The following SLC8A2 variants were observed in gnomAD, a reference collection of about 807,000 sequenced individuals.
SLC8A2 encodes solute carrier family 8 member A2, also known as sodium/calcium exchanger 2.
Under a neutral mutation model 70.2 loss-of-function variants are expected in SLC8A2, and 14 were observed. That is an observed-to-expected ratio of 0.20 (90% CI 0.13 to 0.31). SLC8A2 has a LOEUF of 0.31. SLC8A2 is among the 10% of genes least tolerant of loss of function. The probability of loss-of-function intolerance (pLI) is 1.00; values close to 1 mark genes in which losing one functional copy is unlikely to be tolerated. For synonymous variants in SLC8A2, 575 were observed against 594.3 expected, an observed-to-expected ratio of 0.97 and a Z score of 0.47; for missense variants, 779 against 1,320.1, an observed-to-expected ratio of 0.59 and a Z score of 6.35.
chr19:47,429,538 CACCCACCCGCTCCTCCCCG>C lies in SLC8A2; in HGVS notation c.*532_*550del, dbSNP rs1966921672. On this transcript the variant is annotated 3_prime_UTR_variant, in exon 10 of 10. Transcript: ENST00000236877. ...ACGGTGTGCGGCCTCCTTGCGCGCA[CACCCACCCGCTCCTCCCCG>C]CCGGGGCTGAGCGGAGCTCCCTGAG... The C allele has an allele frequency of 6.5e-6, 1 of 154,712 alleles. No homozygotes were observed. Among genetic ancestry groups the C allele is most frequent in the African/African-American group, 2.4e-5 (1 of 41,460 alleles). 9.6% of individuals were successfully genotyped at this position (154,712 alleles called of 1,614,324 possible).
chr19:47,465,686 A>G lies in SLC8A2; in HGVS notation c.675+43T>C. 2 of 1,501,762 alleles carry G rather than the reference A, an allele frequency of 1.3e-6. No individual in the cohort carries two copies. The highest frequency in any genetic ancestry group is 1.8e-6 in the Non-Finnish European group (2 of 1,107,132). 93.0% of individuals were successfully genotyped at this position (1,501,762 alleles called of 1,614,324 possible). A position where few individuals can be genotyped will look rare whatever the true frequency, so the allele number is the denominator to read the frequency against. On this transcript the variant is annotated intron_variant, in intron 2 of 9. Transcript: ENST00000236877. The surrounding 1 kb of genome is among the most constrained non-coding windows in gnomAD (Gnocchi z 5.5). The stretch of plus-strand genomic sequence containing the variant: ...CCAAGAGCACCTCTCTGGATTTTGC[A>G]GACACACATGCACCAAGAAAGCATC...
In SLC8A2 at chr19:47,432,264, G is replaced by A. The variant is rs367751012; in HGVS notation, c.2292C>T (p.Ala764=). The change falls in exon 9 of 10, where the codon GCC becomes GCT. Residue 764 remains alanine, a synonymous_variant. Transcript: ENST00000236877. This position sits in a 1 kb window ranked among gnomAD's most constrained non-coding sequence, Gnocchi z 6.2. ...VSILVIGLLT[A]LIGDLASHFG... ...AGTGGGAGGCGAGGTCCCCAATGAG[G>A]GCGGTGAGCAGGCCGATGACCAGGA... is the stretch of plus-strand genomic sequence containing the variant. 1.5e-5 allele frequency: 24 copies of A among 1,614,038 alleles called. No individual in the cohort carries two copies. In the East Asian group the frequency reaches 5.3e-4, roughly 36 times the overall value.
chr19:47,451,558 C>G (rs1156968037), intron 3 of SLC8A2, among the ~76,000 whole-genome samples: 1 of 152,220 alleles, frequency 6.6e-6, no homozygotes, highest in Non-Finnish European at 1.5e-5. Flanking sequence ...ATCCGCTGGC[C>G]TTGGGCTCCC....
At position 47,441,352 on chromosome 19, in the gene SLC8A2, T is replaced by G; in HGVS notation, c.1852A>C (p.Lys618Gln). 1 of 1,612,892 alleles carries G rather than the reference T, an allele frequency of 6.2e-7. No homozygotes were observed. The highest frequency in any genetic ancestry group is 8.5e-7 in the Non-Finnish European group (1 of 1,178,832). Residue 618 changes from lysine to glutamine, a missense_variant, in exon 5 of 10, where the codon AAG (lysine) becomes CAG (glutamine). Transcript: ENST00000236877. ...FIELGQPQWL[K>Q]RGISALLLNQ... ...CACCCCTCACCTGAAATCCCTCGCT[T>G]AAGCCACTGGGGCTGGCCCAGCTCA...
intron 4 of SLC8A2, among the ~76,000 whole-genome samples, chr19:47,442,124 T>C (rs1967106884): frequency 6.6e-6 from 1 of 151,924 alleles, no homozygotes; most frequent in Non-Finnish European, 1.5e-5. Context: ...AATAAAAAAA[T>C]AAAGCAAAGC....
chr19:47,454,344 G>A (rs983442945), intron 3 of SLC8A2, among the ~76,000 whole-genome samples: 1 of 152,212 alleles, frequency 6.6e-6, no homozygotes, highest in Non-Finnish European at 1.5e-5. Flanking sequence ...GGTGAATGCA[G>A]TTCCCTCAAC....
chr19:47,458,160 C>A (rs1321642002), intron 2 of SLC8A2, among the ~76,000 whole-genome samples: 3 of 151,876 alleles, frequency 2.0e-5, no homozygotes, highest in African/African-American at 7.3e-5. Flanking sequence ...TTCATCTCTG[C>A]CTCTCCCCAT....
At position 47,465,718 on chromosome 19, in the gene SLC8A2, T is replaced by A. The variant is rs1025558604; in HGVS notation, c.675+11A>T. On this transcript the variant is annotated intron_variant, in intron 2 of 9. Transcript: ENST00000236877. This position sits in a 1 kb window ranked among gnomAD's most constrained non-coding sequence, Gnocchi z 5.5. ...CATGCACCAAGAAAGCATCTATGCG[T>A]CTTTGCTCACCTGGACCACACCGGG... The A allele has an allele frequency of 1.9e-6, 3 of 1,599,556 alleles. No homozygotes were observed. The African/African-American group carries it at 4.0e-5, about 21-fold the overall frequency.
chr19:47,453,098 C>T (rs1385919218), intron 3 of SLC8A2, among the ~76,000 whole-genome samples: 1 of 152,184 alleles, frequency 6.6e-6, no homozygotes, highest in African/African-American at 2.4e-5. Flanking sequence ...CTTAGTGTGT[C>T]AACATCATAG....
chr19:47,430,320 G>A lies in SLC8A2; in HGVS notation c.2535C>T (p.Gly845=), dbSNP rs1283061535. ...SVAAVYWAVQ[G]RPFEVRTGTL... ...TGCCAGTGCGCACCTCGAAGGGGCG[G>A]CCCTGCACCGCCCAGTACACGGCGG... Residue 845 remains glycine (G), a synonymous_variant, in exon 10 of 10, where the codon GGC becomes GGT. Coordinates refer to ENST00000236877, the MANE Select transcript of SLC8A2 (RefSeq NM_015063.3). This position sits in a 1 kb window ranked among gnomAD's most constrained non-coding sequence, Gnocchi z 5.9. 8.1e-6 allele frequency: 13 copies of A among 1,612,044 alleles called. No individual in the cohort carries two copies. The highest frequency in any genetic ancestry group is 1.1e-5 in the Non-Finnish European group (13 of 1,179,330).
At position 47,441,448 on chromosome 19, in the gene SLC8A2, G is replaced by A. The variant is rs752554430; in HGVS notation, c.1764-8C>T. ...TTCACCTGAAGAGTTTTCCTGTGCA[G>A]GGGGTAAGGGGGAGGCAGAACACTC... On this transcript the variant is annotated splice_polypyrimidine_tract_variant and splice_region_variant and intron_variant, in intron 4 of 9. Coordinates refer to ENST00000236877, the MANE Select transcript of SLC8A2 (RefSeq NM_015063.3). 106 of 1,560,780 alleles carry A rather than the reference G, an allele frequency of 6.8e-5. 1 individual carries two copies. Among genetic ancestry groups the A allele is most frequent in the Non-Finnish European group, 8.4e-5 (95 of 1,134,748 alleles).
intron 8 of SLC8A2, among the ~76,000 whole-genome samples, chr19:47,435,052 T>C (rs1967008686): frequency 1.3e-5 from 2 of 151,746 alleles, no homozygotes; most frequent in Admixed American, 1.3e-4. Flanking sequence ...CTACTAAAAA[T>C]ACAAAACTTA....
intron 2 of SLC8A2, among the ~76,000 whole-genome samples, chr19:47,460,398 G>A (rs1370414518): frequency 6.6e-6 from 1 of 152,186 alleles, no homozygotes; most frequent in Non-Finnish European, 1.5e-5. Context: ...GACTCAAGAT[G>A]TGAAATTAAC....
intron 3 of SLC8A2, among the ~76,000 whole-genome samples, chr19:47,452,982 G>A (rs1161051184): frequency 2.6e-5 from 4 of 152,140 alleles, no homozygotes; most frequent in African/African-American, 4.8e-5. Flanking sequence ...GCAGTGAGCC[G>A]AGATCGTGCC....
At chr19:47,441,615 A>G (rs949703091) in intron 4 of SLC8A2, among the ~76,000 whole-genome samples, 175 bp from the exon 5 acceptor site, 1 of 152,118 alleles carries the variant, frequency 6.6e-6, no homozygotes, top group African/African-American at 2.4e-5. Context: ...TATCATCCCC[A>G]TTTGACAGAA....
intron 3 of SLC8A2, among the ~76,000 whole-genome samples, chr19:47,455,983 C>T (rs1050657873): frequency 6.6e-6 from 1 of 152,196 alleles, no homozygotes; most frequent in Admixed American, 6.5e-5. Flanking sequence ...CTCCATAGCA[C>T]TTATTGCCAC....
At chr19:47,450,491 C>A (rs1967220898) in intron 3 of SLC8A2, among the ~76,000 whole-genome samples, 1 of 152,076 alleles carries the variant, frequency 6.6e-6, no homozygotes, top group Non-Finnish European at 1.5e-5. Context: ...TCACTGCACT[C>A]CAGTCTGGGT....
chr19:47,464,727 C>T (rs1568447879), intron 2 of SLC8A2, among the ~76,000 whole-genome samples: 2 of 152,190 alleles, frequency 1.3e-5, no homozygotes, highest in African/African-American at 4.8e-5. Flanking sequence ...AGATTACACA[C>T]ATGTGTGAAT....
chr19:47,458,060 G>GC (rs1967337125), intron 2 of SLC8A2, among the ~76,000 whole-genome samples: 2 of 152,050 alleles, frequency 1.3e-5, no homozygotes, highest in East Asian at 3.9e-4. Flanking sequence ...CACCATGTTG[G>GC]CCAGCCTGGT....
Sources: gnomAD v4.1 joint callset for allele counts (sites outside exome capture counted in the v4.1 genomes callset) on GRCh38, gnomAD v4.1.1 for gene constraint, Gnocchi (gnomAD v3.1) non-coding constraint, MANE v1.5 for transcripts, NCBI Gene and HGNC (gene_info 2026-07-23, HGNC 2026-07-21) for gene names.